The following GRIK2 variants were observed in gnomAD, a reference collection of about 807,000 sequenced individuals.
GRIK2 encodes glutamate ionotropic receptor kainate type subunit 2.
In GRIK2, 32 loss-of-function variants were observed where a neutral mutation model predicts 100.3. That is an observed-to-expected ratio of 0.32 (90% CI 0.24 to 0.43). GRIK2 has a LOEUF of 0.43. Among genes scored for constraint, GRIK2 ranks in the 20% least tolerant of loss-of-function variants. GRIK2 has a pLI of 1.00. For synonymous variants in GRIK2, 417 were observed against 389.4 expected, an observed-to-expected ratio of 1.07 and a Z score of -0.83; for missense variants, 843 against 1,114.9, an observed-to-expected ratio of 0.76 and a Z score of 3.47.
intron 2 of GRIK2, among the ~76,000 whole-genome samples, chr6:101,581,302 GTA>G (rs1491304092): frequency 4.0e-5 from 6 of 150,616 alleles, no homozygotes; most frequent in Non-Finnish European, 5.9e-5. Flanking sequence ...GTGTGTGTGT[GTA>G]TATACATATG....
chr6:102,057,011 T>G (rs1010007439), intron 16 of GRIK2, among the ~76,000 whole-genome samples: 8 of 151,994 alleles, frequency 5.3e-5, no homozygotes, highest in Admixed American at 4.6e-4. Flanking sequence ...TAAGTACACT[T>G]TTTATGTTAT....
intron 2 of GRIK2, among the ~76,000 whole-genome samples, chr6:101,408,763 T>A (rs2128237414): frequency 6.6e-6 from 1 of 152,146 alleles, no homozygotes; most frequent in East Asian, 1.9e-4. Context: ...CAGATGCTAA[T>A]TTCATACCAG....
At chr6:101,835,194 A>G (rs1782988707) in intron 10 of GRIK2, among the ~76,000 whole-genome samples, 2 of 152,120 alleles carry the variant, frequency 1.3e-5, no homozygotes, top group African/African-American at 4.8e-5. Context: ...CTTGAAAGCA[A>G]TTTTGATATT....
chr6:101,931,864 A>G lies in GRIK2; in HGVS notation c.2085+3232A>G, dbSNP rs545189632. Among the ~76,000 whole-genome samples the G allele has an allele frequency of 2.6e-5, 4 of 152,222 alleles. No homozygotes were observed. The East Asian group carries it at 7.7e-4, about 29-fold the overall frequency. On this transcript the variant is annotated intron_variant, in intron 14 of 16. Transcript: ENST00000369134. Reference sequence around the variant, plus strand: ...TGGATGACAGTCCAAGAATTTTATTAAGAAACATTAAAGGAGGAGTCAAAA... The same window carrying G: ...TGGATGACAGTCCAAGAATTTTATTGAGAAACATTAAAGGAGGAGTCAAAA...
intron 12 of GRIK2, 69 bp from the exon 13 acceptor site, chr6:101,924,532 A>G (rs1789762216): frequency 1.2e-6 from 1 of 828,302 alleles, no homozygotes; most frequent in African/African-American, 1.7e-5. Context: ...CTTTTGCAGC[A>G]AAAAATGCTG....
intron 7 of GRIK2, among the ~76,000 whole-genome samples, chr6:101,793,823 C>G (rs1350932821): frequency 1.3e-5 from 2 of 152,162 alleles, no homozygotes; most frequent in Non-Finnish European, 2.9e-5. Flanking sequence ...GTGGAGCCTA[C>G]AGAGGCAGGC....
chr6:101,960,015 G>A (rs115706894), intron 14 of GRIK2, among the ~76,000 whole-genome samples: 284 of 142,584 alleles, frequency 2.0e-3, no homozygotes, highest in African/African-American at 6.7e-3. Context: ...GTTACTTTAC[G>A]TAATCTTTTA....
chr6:101,872,163 T>C (rs909545448), intron 11 of GRIK2, among the ~76,000 whole-genome samples: 2 of 152,072 alleles, frequency 1.3e-5, no homozygotes, highest in Admixed American at 6.6e-5. Context: ...AAAATTCGTG[T>C]CTATCCAATT....
At chr6:102,013,610 A>G (rs1169427450) in intron 14 of GRIK2, among the ~76,000 whole-genome samples, 2 of 152,138 alleles carry the variant, frequency 1.3e-5, no homozygotes, top group Admixed American at 6.5e-5. Flanking sequence ...TGTTGCTTCA[A>G]TATCTAATTT....
At chr6:101,688,463 C>T (rs934442988) in intron 7 of GRIK2, among the ~76,000 whole-genome samples, 2 of 151,762 alleles carry the variant, frequency 1.3e-5, no homozygotes, top group Admixed American at 6.6e-5. Context: ...CAGATAAGTA[C>T]AAAGAATGAT....
chr6:101,944,692 A>C (rs966301529), intron 14 of GRIK2, among the ~76,000 whole-genome samples: 1 of 152,154 alleles, frequency 6.6e-6, no homozygotes, highest in Non-Finnish European at 1.5e-5. Flanking sequence ...AAAAGAAAAA[A>C]ATATTTTTTA....
intron 7 of GRIK2, among the ~76,000 whole-genome samples, chr6:101,750,799 C>G (rs1562356426): frequency 6.6e-6 from 1 of 152,142 alleles, no homozygotes; most frequent in Non-Finnish European, 1.5e-5. Flanking sequence ...TGGACAGGAG[C>G]TTGGTAGAGG....
At position 101,424,157 on chromosome 6, in the gene GRIK2, T is replaced by G. The variant is rs375288498; in HGVS notation, c.115+24765T>G. ...TCTTGCTCTATCCAAATTTTTTTTC[T>G]TCAGAATTTTTTTTATTTTTTTTTA... is the stretch of plus-strand genomic sequence containing the variant. On this transcript the variant is annotated intron_variant, in intron 2 of 16. Coordinates refer to ENST00000369134, the MANE Select transcript of GRIK2 (RefSeq NM_021956.5). Among the ~76,000 whole-genome samples the G allele has an allele frequency of 1.8e-4, 28 of 151,974 alleles. No individual in the cohort carries two copies. In the South Asian group the frequency reaches 5.8e-3, roughly 32 times the overall value.
At chr6:101,592,586 CACAT>C (rs1363065440) in intron 2 of GRIK2, among the ~76,000 whole-genome samples, 3 of 53,396 alleles carry the variant, frequency 5.6e-5, no homozygotes, top group Admixed American at 4.9e-4. Context: ...TTACTAATAT[CACAT>C]ATATATATAT....
At chr6:101,963,739 T>A (rs1254667458) in intron 14 of GRIK2, among the ~76,000 whole-genome samples, 2 of 152,038 alleles carry the variant, frequency 1.3e-5, no homozygotes, top group Non-Finnish European at 2.9e-5. Flanking sequence ...ATATTATATG[T>A]ATATATGCTC....
intron 11 of GRIK2, among the ~76,000 whole-genome samples, chr6:101,870,033 T>A (rs1399100376): frequency 6.6e-6 from 1 of 152,106 alleles, no homozygotes; most frequent in East Asian, 1.9e-4. Context: ...ATTATGAATT[T>A]ATGTGACAGT....
chr6:101,542,707 G>GTTT (rs1776061182), intron 2 of GRIK2, among the ~76,000 whole-genome samples: 1 of 152,110 alleles, frequency 6.6e-6, no homozygotes, highest in Admixed American at 6.6e-5. Flanking sequence ...TTTTGGAAGA[G>GTTT]TTTTATTATT....
rs1161694919 is a variant in GRIK2 at position 101,626,494 on chromosome 6, G to A, written c.398G>A (p.Arg133His). Residue 133 changes from arginine (R) to histidine (H), a missense_variant, in exon 4 of 17, where the codon CGC becomes CAC. Physicochemically the swap from Arg to His is conservative, Grantham distance 29. Transcript: ENST00000369134. ...NALGVPHIQTRWKHQVSDNKD... is the reference protein window; with the variant it reads ...NALGVPHIQTHWKHQVSDNKD... ...CTGGGAGTTCCCCACATACAGACCC[G>A]CTGGAAGCACCAGGTGTCAGACAAC... 20 of 1,613,914 alleles carry A rather than the reference G, an allele frequency of 1.2e-5. No individual in the cohort carries two copies. Among genetic ancestry groups the A allele is most frequent in the East Asian group, 1.1e-4 (5 of 44,826 alleles).
chr6:101,527,342 C>T (rs1490218749), intron 2 of GRIK2, among the ~76,000 whole-genome samples: 3 of 152,094 alleles, frequency 2.0e-5, no homozygotes, highest in Admixed American at 1.3e-4. Context: ...ATTAGAGGCC[C>T]ATAGCCTTTA....
Sources: allele counts gnomAD v4.1 joint callset (sites outside exome capture counted in the v4.1 genomes callset), GRCh38; gene constraint gnomAD v4.1.1; transcripts MANE v1.5; gene names NCBI Gene and HGNC (gene_info 2026-07-23, HGNC 2026-07-21).